Variants in NUP155 observed in about 807,000 individuals in gnomAD.
NUP155 encodes the protein nuclear pore complex protein Nup155.
In NUP155, 71 loss-of-function variants were observed where a neutral mutation model predicts 180.4. The observed-to-expected ratio is 0.39, with a 90% confidence interval of 0.33 to 0.48. The LOEUF is 0.48. Among genes scored for constraint, NUP155 ranks in the 20% least tolerant of loss-of-function variants. The pLI is 0.91. For missense variants in NUP155, 1,553 were observed against 1,648.9 expected (o/e 0.94, Z 1.01); for synonymous variants, 582 against 559.5 (o/e 1.04, Z -0.57).
At chr5:37,349,547 T>C (rs1322891132) in intron 7 of NUP155, among the ~76,000 whole-genome samples, 2 of 152,146 alleles carry the variant, frequency 1.3e-5, no homozygotes, top group African/African-American at 4.8e-5. Flanking sequence ...TTCTAAGTTA[T>C]TTTTTCATGA....
chr5:37,350,175 T>C lies in NUP155; in HGVS notation c.814A>G (p.Thr272Ala). 1 of 1,613,108 alleles carries C rather than the reference T, an allele frequency of 6.2e-7. No homozygotes were observed. The highest frequency in any genetic ancestry group is 8.5e-7 in the Non-Finnish European group (1 of 1,179,176). ...SFLVPSLLQF[T>A]FSEDDPILQI... ...TTCTACTTACCATCTTCTGAGAACG[T>C]GAATTGTAGCAAGGAAGGAACAAGG... The change falls in exon 7 of 35, where the codon ACG becomes GCG. Residue 272 changes from threonine (T) to alanine (A), a missense_variant. Thr to Ala is a moderately conservative substitution (Grantham distance 58). Transcript: ENST00000231498.
At position 37,358,123 on chromosome 5, in the gene NUP155, T is replaced by C. The variant is rs1746966183; in HGVS notation, c.421A>G (p.Ser141Gly). The change falls in exon 4 of 35, where the codon AGT becomes GGT. Residue 141 changes from serine to glycine, a missense_variant. Coordinates refer to ENST00000231498, the MANE Select transcript of NUP155 (RefSeq NM_153485.3). ...AGCCCCACAGCAAGAATAGTCTCAC[T>C]AAGTCCATCAAAATAGGCAAGGTCT... Reference protein sequence around the residue: ...GGDLAYFDGLSETILAVGLVK... With the variant: ...GGDLAYFDGLGETILAVGLVK... 6.2e-7 allele frequency: 1 copy of C among 1,613,298 alleles called. No homozygotes were observed. Among genetic ancestry groups the C allele is most frequent in the Non-Finnish European group, 8.5e-7 (1 of 1,179,340 alleles).
At chr5:37,314,671 A>T (rs1743769462) in intron 21 of NUP155, among the ~76,000 whole-genome samples, 1 of 152,012 alleles carries the variant, frequency 6.6e-6, no homozygotes. Context: ...CTCGGTCTCT[A>T]CTAAAAACAT....
Position 37,301,482 on chromosome 5 carries a change from C to G in NUP155, c.3516G>C (p.Gln1172His). ...QRQYSHHSSV[Q>H]DAVSQLDSEL... The stretch of plus-strand genomic sequence containing the variant: ...CAGAATCCAGCTGAGAAACTGCATC[C>G]TGTACAGAAGAATGATGGGAATACT... The change falls in exon 30 of 35, where the codon CAG (glutamine) becomes CAC (histidine). Residue 1172 changes from glutamine (Q) to histidine (H), a missense_variant. Coordinates refer to ENST00000231498, the MANE Select transcript of NUP155 (RefSeq NM_153485.3). 4 of 1,613,856 alleles carry G rather than the reference C, an allele frequency of 2.5e-6. No individual in the cohort carries two copies. The highest frequency in any genetic ancestry group is 3.4e-6 in the Non-Finnish European group (4 of 1,179,804).
At position 37,307,325 on chromosome 5, in the gene NUP155, T is replaced by A; in HGVS notation, c.2875A>T (p.Ile959Leu). 1 of 1,614,160 alleles carries A rather than the reference T, an allele frequency of 6.2e-7. No individual in the cohort carries two copies. Among genetic ancestry groups the A allele is most frequent in the Non-Finnish European group, 8.5e-7 (1 of 1,180,004 alleles). Residue 959 changes from isoleucine (I) to leucine (L), a missense_variant, in exon 25 of 35, where the codon ATA (isoleucine) becomes TTA (leucine). Transcript: ENST00000231498. ...TCTTGGAAGGCCTGAAGTCCAACTA[T>A]GTCTTCTTCTGGTTCTCCATGTTTA... ...FYKHGEPEED[I>L]VGLQAFQERL...
chr5:37,317,184 TAAATA>T (rs1318768138), intron 21 of NUP155, among the ~76,000 whole-genome samples: 12 of 141,418 alleles, frequency 8.5e-5, no homozygotes, highest in Non-Finnish European at 1.7e-4. Flanking sequence ...AATAAATAAA[TAAATA>T]AAATAAAGTA....
At chr5:37,351,045 T>C (rs574510023) in intron 6 of NUP155, 145 bp downstream of exon 6, 3 of 691,328 alleles carry the variant, frequency 4.3e-6, no homozygotes, top group Admixed American at 2.7e-5. Context: ...GGTGTAGTCA[T>C]GGGGACTACA....
At chr5:37,300,487 C>T (rs936726578) in intron 30 of NUP155, among the ~76,000 whole-genome samples, 3 of 140,928 alleles carry the variant, frequency 2.1e-5, no homozygotes, top group Non-Finnish European at 4.8e-5. Flanking sequence ...GGAATACTGA[C>T]AAATCTCAAA....
In NUP155 at chr5:37,331,790, G is replaced by C; in HGVS notation, c.1524C>G (p.Ser508Arg). The change falls in exon 14 of 35, where the codon AGC (serine) becomes AGG (arginine). Residue 508 changes from serine (S) to arginine (R), a missense_variant. Physicochemically the swap from Ser to Arg is moderately radical, Grantham distance 110 (BLOSUM62 -1). Coordinates refer to ENST00000231498, the MANE Select transcript of NUP155 (RefSeq NM_153485.3). ...CAGGTCTAAGTTTATGAAACATAAG[G>C]CTCCCCTAAGAAATTTGAAGAAAGA... ...KKFVLLSAQG[S>R]LMFHKLRPVD... 1 of 1,598,112 alleles carries C rather than the reference G, an allele frequency of 6.3e-7. No homozygotes were observed. The highest frequency in any genetic ancestry group is 8.6e-7 in the Non-Finnish European group (1 of 1,167,876).
At chr5:37,311,807 G>A (rs566278429) in intron 22 of NUP155, among the ~76,000 whole-genome samples, 6 of 152,074 alleles carry the variant, frequency 3.9e-5, no homozygotes, top group Non-Finnish European at 5.9e-5. Flanking sequence ...ATCACCTGAC[G>A]TCAGGAGTTC....
At chr5:37,316,953 G>T (rs1451259446) in intron 21 of NUP155, among the ~76,000 whole-genome samples, 1 of 144,018 alleles carries the variant, frequency 6.9e-6, no homozygotes, top group Middle Eastern at 4.2e-3. Flanking sequence ...ATGAGGTCAG[G>T]AGATTGAGAT....
At chr5:37,357,029 C>T (rs1272275458) in intron 4 of NUP155, among the ~76,000 whole-genome samples, 1 of 152,146 alleles carries the variant, frequency 6.6e-6, no homozygotes, top group Non-Finnish European at 1.5e-5. Flanking sequence ...ATCGCTCAAT[C>T]CTGGGAGGCG....
chr5:37,351,430 G>T, intron 5 of NUP155, 74 bp from the exon 6 acceptor site: 1 of 1,038,494 alleles, frequency 9.6e-7, no homozygotes, highest in South Asian at 1.4e-5. Context: ...ATTATCATCA[G>T]AATCTATATG....
At chr5:37,317,348 C>T (rs1389004335) in intron 21 of NUP155, among the ~76,000 whole-genome samples, 9 of 150,372 alleles carry the variant, frequency 6.0e-5, no homozygotes, top group African/African-American at 2.2e-4. Flanking sequence ...ATTAGCCGGG[C>T]GTGGTGGCAC....
At chr5:37,370,776 G>A in intron 1 of NUP155, 45 bp downstream of exon 1, 1 of 1,613,832 alleles carries the variant, frequency 6.2e-7, no homozygotes, top group Non-Finnish European at 8.5e-7. Context: ...TAGGAAGTCA[G>A]GCGAGAGTCC....
chr5:37,314,463 G>A, intron 21 of NUP155, 135 bp from the exon 22 acceptor site: 3 of 670,108 alleles, frequency 4.5e-6, no homozygotes, highest in Non-Finnish European at 5.2e-6. Context: ...ATGATAATCA[G>A]TAGTATTTAT....
intron 13 of NUP155, among the ~76,000 whole-genome samples, chr5:37,332,991 G>C (rs778921173): frequency 6.6e-6 from 1 of 151,812 alleles, no homozygotes; most frequent in Non-Finnish European, 1.5e-5. Context: ...AATATCAACT[G>C]ATAACTGATA....
intron 29 of NUP155, 78 bp from the exon 30 acceptor site, chr5:37,301,628 T>C: frequency 1.1e-6 from 1 of 895,686 alleles, no homozygotes; most frequent in South Asian, 1.3e-5. Context: ...GATCCTACTA[T>C]CTGACTTTAA....
chr5:37,292,135 A>AT, intron 34 of NUP155, 97 bp from the exon 35 acceptor site: 1 of 1,140,430 alleles, frequency 8.8e-7, no homozygotes, highest in Non-Finnish European at 1.3e-6. Context: ...TAATTCTCAC[A>AT]GGAGAGGAAA....
Sources: gnomAD v4.1 joint callset for allele counts (sites outside exome capture counted in the v4.1 genomes callset) on GRCh38, gnomAD v4.1.1 for gene constraint, MANE v1.5 for transcripts, NCBI Gene and HGNC (gene_info 2026-07-23, HGNC 2026-07-21) for gene names.